Variants in GHR observed in about 807,000 individuals in gnomAD.
GHR encodes the protein GH receptor.
GHR carries 35 observed loss-of-function variants against 67.1 expected under a neutral mutation model. The observed-to-expected ratio is 0.52, with a 90% CI of 0.40 to 0.69. The LOEUF (loss-of-function observed/expected upper bound fraction) is 0.69. Among genes scored for constraint, GHR ranks in the 30% least tolerant of loss-of-function variants. GHR has a pLI of 0.00. For synonymous variants in GHR, 272 were observed against 269.1 expected, an observed-to-expected ratio of 1.01 and a Z score of -0.10; for missense variants, 792 against 764.6, an observed-to-expected ratio of 1.04 and a Z score of -0.42.
At chr5:42,711,729 A>G (rs962314874) in intron 7 of GHR, among the ~76,000 whole-genome samples, 1 of 152,090 alleles carries the variant, frequency 6.6e-6, no homozygotes, top group African/African-American at 2.4e-5. Context: ...ATCAGGAAAA[A>G]AAGCTGTACT....
intron 3 of GHR, among the ~76,000 whole-genome samples, chr5:42,658,220 T>C (rs1280506718): frequency 6.6e-6 from 1 of 152,000 alleles, no homozygotes; most frequent in Non-Finnish European, 1.5e-5. Context: ...AACCTTACCA[T>C]AAAAAGAAAA....
At chr5:42,640,851 G>T (rs889093963) in intron 3 of GHR, among the ~76,000 whole-genome samples, 1 of 151,782 alleles carries the variant, frequency 6.6e-6, no homozygotes, top group African/African-American at 2.4e-5. Context: ...AAAGACCCTC[G>T]TTTGAGAATC....
intron 1 of GHR, among the ~76,000 whole-genome samples, chr5:42,551,454 A>G (rs1749028846): frequency 6.6e-6 from 1 of 152,174 alleles, no homozygotes; most frequent in Admixed American, 6.5e-5. Context: ...AAACTTGACC[A>G]TGAAGAAGGC....
chr5:42,482,140 C>T (rs984297557), intron 1 of GHR, among the ~76,000 whole-genome samples: 7 of 151,694 alleles, frequency 4.6e-5, no homozygotes, highest in South Asian at 2.1e-4. Context: ...GTTTGCTAGA[C>T]GTCCACTCCA....
At chr5:42,676,158 G>A (rs893974420) in intron 3 of GHR, among the ~76,000 whole-genome samples, 5 of 152,046 alleles carry the variant, frequency 3.3e-5, no homozygotes, top group African/African-American at 7.2e-5. Context: ...GGTGGCACAC[G>A]CCTGTAGTCC....
intron 1 of GHR, among the ~76,000 whole-genome samples, chr5:42,517,811 A>T (rs1174572889): frequency 6.6e-6 from 1 of 151,960 alleles, no homozygotes; most frequent in Non-Finnish European, 1.5e-5. Context: ...TTATTAAAAC[A>T]ACATGTCTTC....
At chr5:42,613,790 G>A (rs1472939454) in intron 2 of GHR, among the ~76,000 whole-genome samples, 1 of 151,984 alleles carries the variant, frequency 6.6e-6, no homozygotes, top group Non-Finnish European at 1.5e-5. Context: ...GAACAACTGG[G>A]GTATTCGTAA....
chr5:42,688,842 A>G (rs561084299), intron 3 of GHR, 48 bp from the exon 4 acceptor site: 2 of 1,583,396 alleles, frequency 1.3e-6, no homozygotes, highest in Non-Finnish European at 8.7e-7. Context: ...TTAGGATCAC[A>G]TATGACTCAC....
rs191627003 is a variant in GHR at position 42,661,309 on chromosome 5, C to A, written c.137-27581C>A. 1.1e-3 allele frequency among the ~76,000 whole-genome samples: 169 copies of A among 152,262 alleles called. 2 individuals are homozygous for A. Among genetic ancestry groups the A allele is most frequent in the Middle Eastern group, 3.4e-3 (1 of 294 alleles). Reference sequence around the variant, plus strand: ...CTCCAAGACACATAATTGTCAGATTCACCAAAGTTGAAACGAAGGAAAAAA... The same window carrying A: ...CTCCAAGACACATAATTGTCAGATTAACCAAAGTTGAAACGAAGGAAAAAA... On this transcript the variant is annotated intron_variant, in intron 3 of 9. Transcript: ENST00000230882.
rs546078397 is a variant in GHR, at chr5:42,669,369, T to C, written c.137-19521T>C. On this transcript the variant is annotated intron_variant, in intron 3 of 9. Coordinates refer to ENST00000230882, the MANE Select transcript of GHR (RefSeq NM_000163.5). ...GTATATTATCATCAATGAGAATAAA[T>C]GGCCTCAACAAAATTACAAGATAGA... Among the ~76,000 whole-genome samples the C allele has an allele frequency of 2.6e-5, 4 of 152,338 alleles. No homozygotes were observed. In the East Asian group the frequency reaches 7.7e-4, roughly 29 times the overall value.
chr5:42,604,668 A>T (rs917099002), intron 2 of GHR, among the ~76,000 whole-genome samples: 7 of 151,686 alleles, frequency 4.6e-5, no homozygotes, highest in African/African-American at 7.3e-5. Context: ...GAGCTAAGGA[A>T]GTTATGAGCC....
chr5:42,512,011 C>T (rs13169289), intron 1 of GHR, among the ~76,000 whole-genome samples: 69,630 of 151,886 alleles, frequency 0.46, 16,411 homozygotes, highest in Middle Eastern at 0.51. Flanking sequence ...CTTGAGCTGC[C>T]GGTGGGTTGC....
chr5:42,655,146 A>C (rs1755192812), intron 3 of GHR, among the ~76,000 whole-genome samples: 1 of 152,168 alleles, frequency 6.6e-6, no homozygotes, highest in Admixed American at 6.6e-5. Flanking sequence ...AAAATATTTC[A>C]TTATGAGAAT....
chr5:42,529,457 T>TCTTTA (rs1233228954), intron 1 of GHR, among the ~76,000 whole-genome samples: 1 of 152,218 alleles, frequency 6.6e-6, no homozygotes, highest in Non-Finnish European at 1.5e-5. Context: ...CATACATTCT[T>TCTTTA]CTTTACTTGT....
At position 42,585,858 on chromosome 5, in the gene GHR, A is replaced by T. The variant is rs1751449060; in HGVS notation, c.70+19914A>T. ...CCTGGCAACTATTATAGGTGGCTGG[A>T]TAGCATGAAGGCATAAAGCTGAAGG... On this transcript the variant is annotated intron_variant, in intron 2 of 9. Transcript: ENST00000230882. 2.6e-5 allele frequency among the ~76,000 whole-genome samples: 4 copies of T among 152,294 alleles called. No individual in the cohort carries two copies. In the South Asian group the frequency reaches 8.3e-4, roughly 32 times the overall value.
intron 2 of GHR, among the ~76,000 whole-genome samples, chr5:42,623,188 T>G (rs1363536522): frequency 1.3e-5 from 2 of 152,286 alleles, no homozygotes; most frequent in Non-Finnish European, 2.9e-5. Flanking sequence ...TATATATATA[T>G]AGATACTTTT....
At chr5:42,677,737 G>A (rs1025018218) in intron 3 of GHR, among the ~76,000 whole-genome samples, 1 of 152,104 alleles carries the variant, frequency 6.6e-6, no homozygotes, top group African/African-American at 2.4e-5. Flanking sequence ...TTGTTCATCA[G>A]CTATCGTTAG....
At chr5:42,477,128 C>T (rs575528320) in intron 1 of GHR, among the ~76,000 whole-genome samples, 3 of 147,514 alleles carry the variant, frequency 2.0e-5, no homozygotes, top group South Asian at 2.1e-4. Flanking sequence ...TGAGAACATG[C>T]GGTGTTTGGT....
intron 2 of GHR, among the ~76,000 whole-genome samples, chr5:42,587,369 C>T (rs1176511639): frequency 6.6e-6 from 1 of 152,172 alleles, no homozygotes; most frequent in East Asian, 1.9e-4. Flanking sequence ...ATAAAGTAAA[C>T]AGAAGATTGG....
Sources: allele counts gnomAD v4.1 joint callset (sites outside exome capture counted in the v4.1 genomes callset), GRCh38; gene constraint gnomAD v4.1.1; transcripts MANE v1.5; gene names NCBI Gene and HGNC (gene_info 2026-07-23, HGNC 2026-07-21).